THSD7B: variants seen among roughly 807,000 people sequenced by gnomAD.
The protein encoded by THSD7B is thrombospondin type 1 domain containing 7B.
In THSD7B, 138 loss-of-function variants were observed where a neutral mutation model predicts 213.6. The ratio of observed to expected loss-of-function variants is 0.65; its 90% confidence interval spans 0.56 to 0.74. The LOEUF (loss-of-function observed/expected upper bound fraction) is 0.74. Ranked by LOEUF, THSD7B falls within the 30% of genes least tolerant of loss-of-function variation. The pLI, the probability that THSD7B is intolerant of heterozygous loss-of-function variation, is 0.00. For synonymous variants in THSD7B, 742 were observed against 687.0 expected (o/e 1.08, Z -1.25); for missense variants, 1,931 against 1,991.5 (o/e 0.97, Z 0.58).
chr2:136,827,284 A>G (rs536226298), intron 1 of THSD7B, among the ~76,000 whole-genome samples: 2 of 152,274 alleles, frequency 1.3e-5, no homozygotes, highest in South Asian at 2.1e-4. Flanking sequence ...GAAAACTCAC[A>G]TTTTTGGTAT....
intron 3 of THSD7B, among the ~76,000 whole-genome samples, chr2:137,089,358 GTGTATA>G (rs1311286703): frequency 8.7e-4 from 130 of 149,156 alleles, no homozygotes; most frequent in Non-Finnish European, 1.4e-3. Flanking sequence ...ATATATGTGT[GTGTATA>G]TGTATATGTA....
At chr2:137,005,263 A>T (rs1686081251) in intron 2 of THSD7B, among the ~76,000 whole-genome samples, 1 of 152,366 alleles carries the variant, frequency 6.6e-6, no homozygotes, top group East Asian at 1.9e-4. Flanking sequence ...TGAACAAGTC[A>T]GCTGGAAGAG....
At chr2:136,960,384 C>G (rs1048583344) in intron 2 of THSD7B, among the ~76,000 whole-genome samples, 6 of 152,068 alleles carry the variant, frequency 3.9e-5, no homozygotes, top group Admixed American at 1.3e-4. Context: ...AGCAATCTTC[C>G]CACCTTGGCC....
At chr2:136,992,575 T>C (rs78104095) in intron 2 of THSD7B, among the ~76,000 whole-genome samples, 2,299 of 152,248 alleles carry the variant, frequency 0.015, 34 homozygotes, top group East Asian at 0.075. Context: ...CTACAGTGGG[T>C]GCCTAGACTT....
chr2:137,117,936 C>T (rs1034992257), intron 5 of THSD7B, among the ~76,000 whole-genome samples: 1 of 152,172 alleles, frequency 6.6e-6, no homozygotes, highest in South Asian at 2.1e-4. Flanking sequence ...ATGTCTCATT[C>T]CTCACTGAAC....
chr2:137,011,531 A>G (rs1686230695), intron 2 of THSD7B, among the ~76,000 whole-genome samples: 1 of 152,188 alleles, frequency 6.6e-6, no homozygotes. Flanking sequence ...GTAACAAGAA[A>G]AAATGTCCCC....
At chr2:137,149,204 A>G (rs1397108678) in intron 5 of THSD7B, among the ~76,000 whole-genome samples, 1 of 152,224 alleles carries the variant, frequency 6.6e-6, no homozygotes, top group Non-Finnish European at 1.5e-5. Context: ...CTTTTGGTGC[A>G]TAGAAGTCAA....
At chr2:136,820,189 C>G (rs1312832205) in intron 1 of THSD7B, among the ~76,000 whole-genome samples, 1 of 152,210 alleles carries the variant, frequency 6.6e-6, no homozygotes, top group Non-Finnish European at 1.5e-5. Context: ...TGTGATATCC[C>G]TAACACCTCA....
At chr2:137,068,609 T>A (rs146653793) in intron 3 of THSD7B, among the ~76,000 whole-genome samples, 250 of 152,238 alleles carry the variant, frequency 1.6e-3, no homozygotes, top group African/African-American at 5.8e-3. Flanking sequence ...CGTGTGTGTA[T>A]TTGATGCTTT....
chr2:137,428,294 A>G (rs1687103186), intron 14 of THSD7B, among the ~76,000 whole-genome samples: 3 of 152,168 alleles, frequency 2.0e-5, no homozygotes, highest in South Asian at 4.1e-4. Flanking sequence ...AATCAAAAAG[A>G]TGAAAACAGG....
At chr2:137,372,864 C>T (rs1369784877) in intron 12 of THSD7B, among the ~76,000 whole-genome samples, 19 of 129,926 alleles carry the variant, frequency 1.5e-4, no homozygotes, top group African/African-American at 5.5e-4. Context: ...CACCCCACAA[C>T]AGTCCCCAGA....
At chr2:137,606,870 G>A (rs1558857657) in intron 17 of THSD7B, among the ~76,000 whole-genome samples, 2 of 152,088 alleles carry the variant, frequency 1.3e-5, no homozygotes, top group Admixed American at 6.6e-5. Flanking sequence ...GAGATTAAGA[G>A]TTTCGTGTGC....
At chr2:137,271,396 T>C (rs1303511139) in intron 10 of THSD7B, among the ~76,000 whole-genome samples, 3 of 144,062 alleles carry the variant, frequency 2.1e-5, no homozygotes, top group Non-Finnish European at 3.0e-5. Flanking sequence ...TATTATGAAT[T>C]ATATATATAT....
chr2:137,163,396 G>A (rs1268550700), intron 6 of THSD7B, among the ~76,000 whole-genome samples: 2 of 152,190 alleles, frequency 1.3e-5, no homozygotes, highest in South Asian at 2.1e-4. Context: ...CCAGTGACTG[G>A]TGTTCTTGCA....
chr2:136,965,855 C>T (rs1457509995), intron 2 of THSD7B, among the ~76,000 whole-genome samples: 1 of 151,854 alleles, frequency 6.6e-6, no homozygotes, highest in Non-Finnish European at 1.5e-5. Flanking sequence ...TATGGTATTT[C>T]CCACGTGGTA....
chr2:137,095,032 C>T lies in THSD7B; in HGVS notation c.1110C>T (p.His370=). ...GFRSRSRNVK[H]MAIGGGKECP... ...GGAGCAGGAGCCGGAACGTGAAGCA[C>T]ATGGCTATTGGAGGTGGAAAGGAGT... The change falls in exon 4 of 28, where the codon CAC becomes CAT. Residue 370 remains histidine, a synonymous_variant. Coordinates refer to ENST00000409968, the MANE Select transcript of THSD7B (RefSeq NM_001316349.2). 6.2e-7 allele frequency: 1 copy of T among 1,613,844 alleles called. No homozygotes were observed. Among genetic ancestry groups the T allele is most frequent in the Non-Finnish European group, 8.5e-7 (1 of 1,179,860 alleles).
At chr2:137,598,703 C>T (rs1242093949) in intron 17 of THSD7B, among the ~76,000 whole-genome samples, 2 of 152,126 alleles carry the variant, frequency 1.3e-5, no homozygotes, top group Non-Finnish European at 2.9e-5. Flanking sequence ...AACAGTTGTA[C>T]CATAAATCAC....
intron 7 of THSD7B, among the ~76,000 whole-genome samples, chr2:137,173,076 C>G (rs1680289615): frequency 6.6e-6 from 1 of 152,124 alleles, no homozygotes; most frequent in African/African-American, 2.4e-5. Context: ...ACCTCCCTCT[C>G]ACTCTTAAGA....
intron 3 of THSD7B, among the ~76,000 whole-genome samples, chr2:137,073,236 G>A (rs1400445727): frequency 6.6e-6 from 1 of 152,070 alleles, no homozygotes; most frequent in Non-Finnish European, 1.5e-5. Context: ...TCTGGTCCTG[G>A]ACTTTTTTTG....
Sources: gnomAD v4.1 joint callset for allele counts (sites outside exome capture counted in the v4.1 genomes callset) on GRCh38, gnomAD v4.1.1 for gene constraint, MANE v1.5 for transcripts, NCBI Gene and HGNC (gene_info 2026-07-23, HGNC 2026-07-21) for gene names.